B3GALT1: variants seen among roughly 807,000 people sequenced by gnomAD.
The protein encoded by B3GALT1 is beta-1,3-galactosyltransferase 1.
In B3GALT1, 10 loss-of-function variants were observed where a neutral mutation model predicts 23.2. The observed-to-expected ratio is 0.43, with a 90% CI of 0.27 to 0.73. The LOEUF is 0.73. Among genes scored for constraint, B3GALT1 ranks in the 30% least tolerant of loss-of-function variants. The pLI is 0.21. For synonymous variants in B3GALT1, 156 were observed against 141.5 expected (o/e 1.10, Z -0.73); for missense variants, 299 against 405.4 (o/e 0.74, Z 2.25).
chr2:167,331,555 G>A lies in B3GALT1; in HGVS notation c.-511+38221G>A, dbSNP rs189284973. ...ACTGGAGTGGGTGCCAGCTGTAATAGTTGTGGCAGGTTGAGTGGGCCTGGC... is the reference window on the plus strand; with the variant it reads ...ACTGGAGTGGGTGCCAGCTGTAATAATTGTGGCAGGTTGAGTGGGCCTGGC... On this transcript the variant is annotated intron_variant, in intron 1 of 4. Coordinates refer to ENST00000392690, the MANE Select transcript of B3GALT1 (RefSeq NM_020981.4). 4.7e-3 allele frequency among the ~76,000 whole-genome samples: 722 copies of A among 152,320 alleles called. 4 individuals carry two copies. The highest frequency in any genetic ancestry group is 0.016 in the African/African-American group (669 of 41,574).
At chr2:167,625,762 T>C (rs1450739357) in intron 2 of B3GALT1, among the ~76,000 whole-genome samples, 2 of 151,086 alleles carry the variant, frequency 1.3e-5, no homozygotes, top group African/African-American at 4.9e-5. Flanking sequence ...TTTGTTTCTG[T>C]CCCCCCCTTT....
intron 1 of B3GALT1, among the ~76,000 whole-genome samples, chr2:167,295,831 T>C (rs1021125341): frequency 6.6e-6 from 1 of 151,950 alleles, no homozygotes; most frequent in African/African-American, 2.4e-5. Context: ...GGAAATCTTT[T>C]TTTAGATAAT....
chr2:167,430,292 A>G (rs978866773), intron 1 of B3GALT1, among the ~76,000 whole-genome samples: 1 of 152,124 alleles, frequency 6.6e-6, no homozygotes, highest in African/African-American at 2.4e-5. Context: ...TTAGGAGGAG[A>G]GTGATAGATG....
At chr2:167,848,045 AT>A (rs1207076947) in intron 4 of B3GALT1, among the ~76,000 whole-genome samples, 4 of 152,194 alleles carry the variant, frequency 2.6e-5, no homozygotes, top group African/African-American at 9.7e-5. Context: ...ATCAGGAAGA[AT>A]TAGATACCCT....
At chr2:167,861,057 A>G (rs575938385) in intron 4 of B3GALT1, among the ~76,000 whole-genome samples, 1 of 152,338 alleles carries the variant, frequency 6.6e-6, no homozygotes, top group Non-Finnish European at 1.5e-5. Flanking sequence ...AGCAAAGTAC[A>G]GACAGTTCTC....
intron 1 of B3GALT1, among the ~76,000 whole-genome samples, chr2:167,434,710 A>ACC (rs397950419): frequency 0.029 from 3,636 of 124,434 alleles, 80 homozygotes; most frequent in East Asian, 0.065. Context: ...TCTATGAATG[A>ACC]CCCCCCCCCC....
At chr2:167,636,807 G>A (rs1685564589) in intron 2 of B3GALT1, among the ~76,000 whole-genome samples, 1 of 151,952 alleles carries the variant, frequency 6.6e-6, no homozygotes, top group Non-Finnish European at 1.5e-5. Flanking sequence ...GACACTGGGA[G>A]AGGAACATCA....
chr2:167,805,308 C>A (rs1688729168), intron 3 of B3GALT1, among the ~76,000 whole-genome samples: 1 of 151,980 alleles, frequency 6.6e-6, no homozygotes, highest in African/African-American at 2.4e-5. Flanking sequence ...GTTTCTTTTG[C>A]TGTGCAGAAG....
intron 2 of B3GALT1, among the ~76,000 whole-genome samples, chr2:167,553,862 A>C (rs1683793152): frequency 6.6e-6 from 1 of 152,168 alleles, no homozygotes. Flanking sequence ...TTTTGCAATC[A>C]CTTTTCCCAG....
intron 2 of B3GALT1, among the ~76,000 whole-genome samples, chr2:167,585,546 C>T (rs72872883): frequency 0.046 from 6,963 of 152,236 alleles, 240 homozygotes; most frequent in Non-Finnish European, 0.069. Flanking sequence ...AAGAAAATGA[C>T]AAATCTAAGG....
intron 1 of B3GALT1, among the ~76,000 whole-genome samples, chr2:167,425,015 T>C (rs1456731137): frequency 2.6e-5 from 4 of 152,268 alleles, no homozygotes; most frequent in African/African-American, 7.2e-5. Context: ...TGTTTACTCC[T>C]GCAAGCTACA....
At chr2:167,634,086 T>A (rs7578134) in intron 2 of B3GALT1, among the ~76,000 whole-genome samples, 2 of 152,102 alleles carry the variant, frequency 1.3e-5, no homozygotes, top group African/African-American at 4.8e-5. Flanking sequence ...AACCTGCTCC[T>A]GAATGACTAC....
chr2:167,353,229 G>A (rs1364009457), intron 1 of B3GALT1, among the ~76,000 whole-genome samples: 1 of 152,062 alleles, frequency 6.6e-6, no homozygotes, highest in Non-Finnish European at 1.5e-5. Context: ...AGGATAATTG[G>A]GACACAGTTA....
chr2:167,702,246 C>T (rs551262138), intron 3 of B3GALT1, among the ~76,000 whole-genome samples: 1 of 152,176 alleles, frequency 6.6e-6, no homozygotes, highest in South Asian at 2.1e-4. Context: ...GGAAAAGCAA[C>T]CAGGGAAGAA....
intron 3 of B3GALT1, among the ~76,000 whole-genome samples, chr2:167,679,961 G>A (rs1686498443): frequency 6.6e-6 from 1 of 152,160 alleles, no homozygotes; most frequent in Non-Finnish European, 1.5e-5. Flanking sequence ...CTGATAGAAT[G>A]AGTTATCTGA....
chr2:167,767,663 A>G (rs893603495), intron 3 of B3GALT1, among the ~76,000 whole-genome samples: 1 of 152,220 alleles, frequency 6.6e-6, no homozygotes, highest in Non-Finnish European at 1.5e-5. Context: ...TGTGTCAGGT[A>G]CGGAAGAAAT....
intron 2 of B3GALT1, among the ~76,000 whole-genome samples, chr2:167,599,128 A>G (rs1340328450): frequency 2.6e-5 from 4 of 152,198 alleles, no homozygotes; most frequent in South Asian, 4.1e-4. Context: ...TGGGTTCACA[A>G]TCCTCACTGC....
At chr2:167,700,540 C>T (rs1686862505) in intron 3 of B3GALT1, among the ~76,000 whole-genome samples, 1 of 152,062 alleles carries the variant, frequency 6.6e-6, no homozygotes, top group Non-Finnish European at 1.5e-5. Flanking sequence ...TCTCAATGGA[C>T]TAGTCTCTAA....
chr2:167,624,918 A>C (rs985978177), intron 2 of B3GALT1, among the ~76,000 whole-genome samples: 1 of 152,004 alleles, frequency 6.6e-6, no homozygotes, highest in Admixed American at 6.6e-5. Flanking sequence ...AGATTGGTCA[A>C]TTCTAACTGA....
Sources: allele counts gnomAD v4.1 joint callset (sites outside exome capture counted in the v4.1 genomes callset), GRCh38; gene constraint gnomAD v4.1.1; transcripts MANE v1.5; gene names NCBI Gene and HGNC (gene_info 2026-07-23, HGNC 2026-07-21).